SPAG16: variants seen among roughly 807,000 people sequenced by gnomAD.
SPAG16 encodes the protein sperm-associated antigen 16 protein.
In SPAG16, 86 loss-of-function variants were observed where a neutral mutation model predicts 80.4. That is an observed-to-expected ratio of 1.07 (90% CI 0.90 to 1.28). The LOEUF (loss-of-function observed/expected upper bound fraction) is 1.28, where lower values mean the gene tolerates loss of function less well. Among genes scored for constraint, SPAG16 ranks in the 50% most tolerant of loss-of-function variants. SPAG16 has a pLI of 0.00. For missense variants in SPAG16, 870 were observed against 765.3 expected, an observed-to-expected ratio of 1.14 and a Z score of -1.61; for synonymous variants, 294 against 265.9, an observed-to-expected ratio of 1.11 and a Z score of -1.03.
At chr2:213,546,300 G>A (rs1182018381) in intron 10 of SPAG16, among the ~76,000 whole-genome samples, 3 of 151,958 alleles carry the variant, frequency 2.0e-5, no homozygotes, top group African/African-American at 7.2e-5. Flanking sequence ...TTGCAGGGTG[G>A]AATTACAGGT....
chr2:213,572,958 C>T (rs973902680), intron 10 of SPAG16, among the ~76,000 whole-genome samples: 2 of 152,170 alleles, frequency 1.3e-5, no homozygotes, highest in Admixed American at 6.5e-5. Flanking sequence ...CTTTTTAAGC[C>T]GGTCTGAAAA....
intron 15 of SPAG16, among the ~76,000 whole-genome samples, chr2:214,216,506 G>A (rs1205272959): frequency 2.0e-5 from 3 of 152,102 alleles, no homozygotes; most frequent in Non-Finnish European, 4.4e-5. Flanking sequence ...TATTTTAGTA[G>A]AGATGGGGTT....
intron 9 of SPAG16, among the ~76,000 whole-genome samples, chr2:213,395,865 T>C (rs935302691): frequency 6.6e-6 from 1 of 152,254 alleles, no homozygotes; most frequent in Non-Finnish European, 1.5e-5. Context: ...TTCCTTGAAA[T>C]TGATTTTTCA....
At chr2:214,392,420 G>A (rs1417825914) in intron 15 of SPAG16, among the ~76,000 whole-genome samples, 4 of 151,970 alleles carry the variant, frequency 2.6e-5, no homozygotes, top group East Asian at 3.9e-4. Context: ...CCTCCCAAAG[G>A]CTGGGATTAC....
At chr2:214,410,001 G>T in intron 15 of SPAG16, 139 bp from the exon 16 acceptor site, 1 of 789,280 alleles carries the variant, frequency 1.3e-6, no homozygotes, top group Non-Finnish European at 2.0e-6. Context: ...ACCTACAGGA[G>T]CTACTGCATA....
chr2:213,368,966 A>G (rs2066481705), intron 8 of SPAG16, among the ~76,000 whole-genome samples: 1 of 152,184 alleles, frequency 6.6e-6, no homozygotes, highest in Non-Finnish European at 1.5e-5. Context: ...AAGAATCAAT[A>G]TCATGATAAT....
intron 10 of SPAG16, among the ~76,000 whole-genome samples, chr2:213,578,474 C>T (rs902589151): frequency 2.6e-5 from 4 of 152,042 alleles, no homozygotes; most frequent in African/African-American, 4.8e-5. Flanking sequence ...ATATTTTCCA[C>T]ATTATTGTAA....
intron 14 of SPAG16, among the ~76,000 whole-genome samples, chr2:214,116,207 G>A (rs78187557): frequency 0.082 from 12,526 of 152,306 alleles, 718 homozygotes; most frequent in Non-Finnish European, 0.12. Flanking sequence ...TCAGTGAAGA[G>A]ACTTGTCTGC....
intron 10 of SPAG16, among the ~76,000 whole-genome samples, chr2:213,606,408 C>T (rs757661428): frequency 9.2e-5 from 14 of 152,236 alleles, no homozygotes; most frequent in South Asian, 2.1e-4. Flanking sequence ...TTCACATTTT[C>T]GACAACATTA....
At chr2:213,691,559 G>A (rs1404742517) in intron 10 of SPAG16, among the ~76,000 whole-genome samples, 2 of 152,068 alleles carry the variant, frequency 1.3e-5, no homozygotes, top group East Asian at 3.8e-4. Context: ...GAGCCAACTA[G>A]ATCAGCTAAA....
rs2063120591 is a variant in SPAG16, at chr2:213,310,089, G to A, written c.310G>A (p.Ala104Thr). 3 of 1,610,346 alleles carry A rather than the reference G, an allele frequency of 1.9e-6. No individual in the cohort carries two copies. Among genetic ancestry groups the A allele is most frequent in the Non-Finnish European group, 1.7e-6 (2 of 1,178,054 alleles). ...ERKTVLPSKHAVPEVIEDFLC... is the reference protein window; with the variant it reads ...ERKTVLPSKHTVPEVIEDFLC... ...GAAAACAGTTCTTCCTTCAAAGCAT[G>A]CAGTACCTGAAGTAATAGAAGACTT... is the stretch of plus-strand genomic sequence containing the variant. Residue 104 changes from alanine to threonine, a missense_variant, in exon 4 of 16, where the codon GCA (alanine) becomes ACA (threonine). Transcript: ENST00000331683.
At chr2:213,989,799 T>A (rs1433774738) in intron 12 of SPAG16, among the ~76,000 whole-genome samples, 1 of 152,142 alleles carries the variant, frequency 6.6e-6, no homozygotes, top group African/African-American at 2.4e-5. Flanking sequence ...AGGGAGTATA[T>A]ATGATTTGCC....
At chr2:213,800,327 CCTCCCTCT>C (rs765517524) in intron 10 of SPAG16, among the ~76,000 whole-genome samples, 16,041 of 128,396 alleles carry the variant, frequency 0.12, 1,493 homozygotes, top group Non-Finnish European at 0.18. Flanking sequence ...TCCCTCCCTC[CCTCCCTCT>C]CTCCCTCTCT....
intron 11 of SPAG16, among the ~76,000 whole-genome samples, chr2:213,896,580 A>ATATAT (rs1308006468): frequency 1.3e-5 from 1 of 76,608 alleles, no homozygotes; most frequent in Non-Finnish European, 3.0e-5. Flanking sequence ...TGTGATATAT[A>ATATAT]CACACACACA....
intron 15 of SPAG16, among the ~76,000 whole-genome samples, chr2:214,166,813 C>A (rs551805101): frequency 1.4e-4 from 21 of 152,016 alleles, no homozygotes; most frequent in South Asian, 2.1e-4. Context: ...GAATATATAA[C>A]GAGTTTTCAA....
intron 10 of SPAG16, among the ~76,000 whole-genome samples, chr2:213,740,208 T>C (rs1475061734): frequency 6.6e-6 from 1 of 152,192 alleles, no homozygotes; most frequent in Admixed American, 6.5e-5. Context: ...AAATTATTTT[T>C]AGTAATGTCT....
intron 13 of SPAG16, among the ~76,000 whole-genome samples, chr2:214,094,661 A>G (rs569459885): frequency 1.4e-4 from 21 of 152,150 alleles, no homozygotes; most frequent in African/African-American, 4.8e-4. Flanking sequence ...GAACTTACAC[A>G]ATTTGTATGG....
chr2:213,666,205 G>A (rs1372101630), intron 10 of SPAG16, among the ~76,000 whole-genome samples: 3 of 151,978 alleles, frequency 2.0e-5, no homozygotes, highest in Non-Finnish European at 4.4e-5. Context: ...CAAAATTCGA[G>A]TTTTTCTTTT....
chr2:213,715,436 A>G (rs2078429), intron 10 of SPAG16, among the ~76,000 whole-genome samples: 91,284 of 151,952 alleles, frequency 0.6, 27,667 homozygotes, highest in Middle Eastern at 0.63. Flanking sequence ...ACAAGCGCTT[A>G]CCACCATGAA....
Sources: allele counts gnomAD v4.1 joint callset (sites outside exome capture counted in the v4.1 genomes callset), GRCh38; gene constraint gnomAD v4.1.1; transcripts MANE v1.5; gene names NCBI Gene and HGNC (gene_info 2026-07-23, HGNC 2026-07-21).